Variants in PLEKHA6 observed in about 807,000 individuals in gnomAD.
The protein encoded by PLEKHA6 is pleckstrin homology domain containing A6, also known as pleckstrin homology domain-containing family A member 6.
A neutral mutation model predicts 116.7 loss-of-function variants in PLEKHA6; 60 were observed. The ratio of observed to expected loss-of-function variants is 0.51; its 90% CI spans 0.42 to 0.64. The LOEUF (loss-of-function observed/expected upper bound fraction) is 0.64. Among genes scored for constraint, PLEKHA6 ranks in the 30% least tolerant of loss-of-function variants. The pLI, the probability that PLEKHA6 is intolerant of heterozygous loss-of-function variation, is 0.00. For missense variants in PLEKHA6, 1,338 were observed against 1,422.7 expected, an observed-to-expected ratio of 0.94 and a Z score of 0.96; for synonymous variants, 489 against 556.1, an observed-to-expected ratio of 0.88 and a Z score of 1.70.
chr1:204,243,201 G>A (rs969178982), intron 15 of PLEKHA6: 4 of 399,178 alleles, frequency 1.0e-5, no homozygotes, highest in Admixed American at 4.4e-5. Flanking sequence ...GTGGAGGGAC[G>A]GCTGGAGGAG....
At chr1:204,273,023 C>G (rs1188995401) in intron 3 of PLEKHA6, among the ~76,000 whole-genome samples, 2 of 152,188 alleles carry the variant, frequency 1.3e-5, no homozygotes, top group African/African-American at 4.8e-5. Flanking sequence ...TCAAACTGCC[C>G]TTGTCAGGGT....
intron 21 of PLEKHA6, among the ~76,000 whole-genome samples, 174 bp downstream of exon 21, chr1:204,227,909 T>C (rs1354254814): frequency 6.6e-6 from 1 of 152,166 alleles, no homozygotes. Flanking sequence ...TGCACCTCCC[T>C]GAGCCTAGCA....
At chr1:204,340,208 G>A (rs528996972) in intron 1 of PLEKHA6, among the ~76,000 whole-genome samples, 1 of 152,242 alleles carries the variant, frequency 6.6e-6, no homozygotes, top group East Asian at 1.9e-4. Flanking sequence ...TGAGTGGGAG[G>A]GGGGTGTGTT....
Position 204,247,314 on chromosome 1 carries a change from C to T in PLEKHA6, c.1920+51G>A, listed in dbSNP as rs1444599778. 5 of 1,157,572 alleles carry T rather than the reference C, an allele frequency of 4.3e-6. No homozygotes were observed. The Admixed American group carries it at 5.2e-5, about 12-fold the overall frequency. The allele number at this position is 1,157,572 out of a possible 1,614,324, so 71.7% of individuals were successfully genotyped here. ...TTTGCTTTTGTCTCGAGGCCAACTC[C>T]TCATCTTTAGTCACATCCCAATCCC... On this transcript the variant is annotated intron_variant, in intron 13 of 22. Transcript: ENST00000272203.
At position 204,229,039 on chromosome 1, in the gene PLEKHA6, C is replaced by T. The variant is rs889410963; in HGVS notation, c.2649G>A (p.Glu883=). The change falls in exon 19 of 23, where the codon GAG becomes GAA. Residue 883 remains glutamate, a synonymous_variant. Coordinates refer to ENST00000272203, the MANE Select transcript of PLEKHA6 (RefSeq NM_014935.5). ...ISNLEAALRA[E]EPGGHAYETP... is the part of the protein sequence containing the mutation. Reference sequence around the variant, plus strand: ...TCTCGTAGGCATGCCCGCCAGGCTCCTCTGCCCGCAGGGCTGCCTCCAGGT... The same window carrying T: ...TCTCGTAGGCATGCCCGCCAGGCTCTTCTGCCCGCAGGGCTGCCTCCAGGT... The T allele has an allele frequency of 1.2e-6, 2 of 1,614,182 alleles. No homozygotes were observed. Among genetic ancestry groups the T allele is most frequent in the Non-Finnish European group, 1.7e-6 (2 of 1,180,026 alleles).
At chr1:204,339,736 A>G (rs1672779583) in intron 1 of PLEKHA6, among the ~76,000 whole-genome samples, 1 of 152,260 alleles carries the variant, frequency 6.6e-6, no homozygotes, top group South Asian at 2.1e-4. Context: ...GAGAAAAGCA[A>G]TCCAGTAATG....
At position 204,259,808 on chromosome 1, in the gene PLEKHA6, G is replaced by C. The variant is rs56066023; in HGVS notation, c.525-68C>G. 8,108 of 1,501,054 alleles carry C rather than the reference G, an allele frequency of 5.4e-3. 27 individuals carry two copies. Among genetic ancestry groups the C allele is most frequent in the Non-Finnish European group, 6.6e-3 (7,354 of 1,122,326 alleles). The allele number at this position is 1,501,054 out of a possible 1,614,324, so 93.0% of individuals were successfully genotyped here. A position where few individuals can be genotyped will look rare whatever the true frequency, so the allele number is the denominator to read the frequency against. The stretch of plus-strand genomic sequence containing the variant: ...GCATGGAGTGGGGCAGGGGGTGCCA[G>C]ACTGGGAAGAAGAGGAGTGGGGAAG... On this transcript the variant is annotated intron_variant, in intron 7 of 22. Transcript: ENST00000272203. The surrounding 1 kb of genome is among the most constrained non-coding windows in gnomAD (Gnocchi z 4.6).
At chr1:204,237,762 T>C (rs1190417366) in intron 17 of PLEKHA6, among the ~76,000 whole-genome samples, 1 of 152,244 alleles carries the variant, frequency 6.6e-6, no homozygotes, top group Non-Finnish European at 1.5e-5. Context: ...CTCTCCAGCT[T>C]TGTGTGATAA....
intron 1 of PLEKHA6, among the ~76,000 whole-genome samples, chr1:204,373,086 C>CTTTTTTT (rs973883787): frequency 2.6e-5 from 3 of 113,430 alleles, no homozygotes; most frequent in African/African-American, 3.7e-5. Flanking sequence ...TTTTTTCTTT[C>CTTTTTTT]TTTTTTTTTT....
At chr1:204,354,264 C>A (rs1673359741) in intron 1 of PLEKHA6, among the ~76,000 whole-genome samples, 1 of 152,156 alleles carries the variant, frequency 6.6e-6, no homozygotes. Context: ...CCAGGGTGGA[C>A]CAGCTACCAT....
At chr1:204,320,889 T>C (rs189542205) in intron 1 of PLEKHA6, among the ~76,000 whole-genome samples, 1 of 152,306 alleles carries the variant, frequency 6.6e-6, no homozygotes, top group African/African-American at 2.4e-5. Context: ...TGATCTCTTT[T>C]GAAAAACATG....
At chr1:204,243,332 C>T (rs960187514) in intron 15 of PLEKHA6, 7 of 399,516 alleles carry the variant, frequency 1.8e-5, no homozygotes, top group Non-Finnish European at 3.1e-5. Flanking sequence ...GAGAAAAGAG[C>T]GTTAGCAGGA....
intron 21 of PLEKHA6, among the ~76,000 whole-genome samples, chr1:204,224,059 A>T (rs1462745077): frequency 6.6e-6 from 1 of 152,202 alleles, no homozygotes; most frequent in Non-Finnish European, 1.5e-5. Flanking sequence ...AATCAATGCC[A>T]TAAAAACAGA....
At chr1:204,350,644 C>T (rs900035748) in intron 1 of PLEKHA6, among the ~76,000 whole-genome samples, 1 of 152,138 alleles carries the variant, frequency 6.6e-6, no homozygotes, top group Admixed American at 6.5e-5. Context: ...TCCAAGTTCT[C>T]TCCATTTTAC....
chr1:204,286,110 A>G (rs927268301), intron 1 of PLEKHA6, among the ~76,000 whole-genome samples: 1 of 152,006 alleles, frequency 6.6e-6, no homozygotes, highest in African/African-American at 2.4e-5. Flanking sequence ...TGGAAATCAC[A>G]GGTAAACAAC....
chr1:204,373,086 CT>C (rs973883787), intron 1 of PLEKHA6, among the ~76,000 whole-genome samples: 4,315 of 113,364 alleles, frequency 0.038, 161 homozygotes, highest in African/African-American at 0.14. Flanking sequence ...TTTTTTCTTT[CT>C]TTTTTTTTTT....
chr1:204,282,769 T>C (rs1341789373), intron 1 of PLEKHA6: 3 of 985,224 alleles, frequency 3.0e-6, no homozygotes, highest in East Asian at 1.1e-4. Flanking sequence ...TCCAGCTCCC[T>C]GGAGCTCCTC....
intron 1 of PLEKHA6, among the ~76,000 whole-genome samples, chr1:204,340,604 A>G (rs539810669): frequency 4.1e-4 from 62 of 152,310 alleles, no homozygotes; most frequent in African/African-American, 1.4e-3. Flanking sequence ...AAGCTGGGCA[A>G]GTAGGTACCC....
intron 1 of PLEKHA6, chr1:204,278,073 A>C (rs1668204461): frequency 6.6e-6 from 1 of 152,246 alleles, no homozygotes; most frequent in Admixed American, 6.5e-5. Flanking sequence ...GCTCAGAAGC[A>C]AGGAGGTTTG....
Sources: gnomAD v4.1 joint callset for allele counts (sites outside exome capture counted in the v4.1 genomes callset) on GRCh38, gnomAD v4.1.1 for gene constraint, Gnocchi (gnomAD v3.1) non-coding constraint, MANE v1.5 for transcripts, NCBI Gene and HGNC (gene_info 2026-07-23, HGNC 2026-07-21) for gene names.